CALB2: variants seen among roughly 807,000 people sequenced by gnomAD.
CALB2 encodes the protein calretinin.
In CALB2, 34 loss-of-function variants were observed where a neutral mutation model predicts 45.9. The ratio of observed to expected loss-of-function variants is 0.74; its 90% CI spans 0.56 to 0.99. The LOEUF (loss-of-function observed/expected upper bound fraction) is 0.99, where lower values mean the gene tolerates loss of function less well. Among genes scored for constraint, CALB2 ranks in the 50% least tolerant of loss-of-function variants. The probability of loss-of-function intolerance (pLI) is 0.00; values close to 1 mark genes in which losing one functional copy is unlikely to be tolerated. For missense variants in CALB2, 344 were observed against 339.3 expected, an observed-to-expected ratio of 1.01 and a Z score of -0.11; for synonymous variants, 142 against 129.6, an observed-to-expected ratio of 1.10 and a Z score of -0.65.
intron 4 of CALB2, among the ~76,000 whole-genome samples, chr16:71,382,236 C>G (rs1322639647): frequency 6.6e-6 from 1 of 152,060 alleles, no homozygotes; most frequent in Non-Finnish European, 1.5e-5. Flanking sequence ...AAAGATATAG[C>G]GGAACATGGT....
chr16:71,369,736 G>C (rs1195802935), intron 1 of CALB2, among the ~76,000 whole-genome samples: 1 of 151,360 alleles, frequency 6.6e-6, no homozygotes, highest in Non-Finnish European at 1.5e-5. Context: ...ACCCAGGGCT[G>C]AGCTCAGCTT....
intron 4 of CALB2, 49 bp from the exon 5 acceptor site, chr16:71,382,670 T>A (rs376259009): frequency 1.9e-4 from 309 of 1,586,474 alleles, no homozygotes; most frequent in Non-Finnish European, 2.5e-4. Flanking sequence ...GGGAGGTGGG[T>A]AGATTTTGAT....
intron 3 of CALB2, among the ~76,000 whole-genome samples, chr16:71,376,714 TACA>T (rs146037383): frequency 0.028 from 4,321 of 151,688 alleles, 107 homozygotes; most frequent in Non-Finnish European, 0.043. Flanking sequence ...TGCACCCACA[TACA>T]ACCACATACA....
intron 2 of CALB2, among the ~76,000 whole-genome samples, chr16:71,372,644 T>C (rs2042366169): frequency 1.3e-5 from 2 of 152,158 alleles, no homozygotes; most frequent in African/African-American, 2.4e-5. Context: ...CTCAGCGCTG[T>C]TGGCATTTGA....
chr16:71,382,024 AG>A (rs1598172875), intron 4 of CALB2, among the ~76,000 whole-genome samples: 1 of 105,574 alleles, frequency 9.5e-6, no homozygotes, highest in African/African-American at 3.7e-5. Flanking sequence ...AAAGAGGAGG[AG>A]GAGGAGGAGG....
chr16:71,368,056 C>T (rs1439376302), intron 1 of CALB2, among the ~76,000 whole-genome samples: 2 of 152,186 alleles, frequency 1.3e-5, no homozygotes, highest in Non-Finnish European at 2.9e-5. Context: ...CTCTATGACA[C>T]CATCATTCTT....
intron 4 of CALB2, among the ~76,000 whole-genome samples, chr16:71,379,321 A>G (rs190378240): frequency 3.3e-5 from 5 of 151,926 alleles, no homozygotes; most frequent in Non-Finnish European, 7.4e-5. Context: ...AAATAAAATT[A>G]GCATTCCCCT....
chr16:71,375,740 G>C (rs899936716), intron 3 of CALB2, among the ~76,000 whole-genome samples: 1 of 152,244 alleles, frequency 6.6e-6, no homozygotes, highest in African/African-American at 2.4e-5. Flanking sequence ...CAAGGATGCG[G>C]TCTCAACTGG....
chr16:71,368,664 G>C (rs1016618858), intron 1 of CALB2, among the ~76,000 whole-genome samples: 2 of 152,142 alleles, frequency 1.3e-5, no homozygotes, highest in Non-Finnish European at 2.9e-5. Flanking sequence ...AGTGTCTTCT[G>C]TCACCAGAAA....
At chr16:71,389,636 T>C in intron 10 of CALB2, 113 bp from the exon 11 acceptor site, 1 of 803,086 alleles carries the variant, frequency 1.2e-6, no homozygotes, top group Non-Finnish European at 2.2e-6. Flanking sequence ...CCACTTATCC[T>C]GGGATGAGAT....
intron 1 of CALB2, among the ~76,000 whole-genome samples, chr16:71,359,769 CTCTGTT>C (rs896491932): frequency 1.1e-4 from 16 of 152,326 alleles, no homozygotes; most frequent in Admixed American, 9.8e-4. Context: ...TCACTAGAGA[CTCTGTT>C]TCTGTTACTC....
Position 71,385,561 on chromosome 16 carries a change from C to G in CALB2, c.628-16C>G, listed in dbSNP as rs2145003216. 6.2e-7 allele frequency: 1 copy of G among 1,613,710 alleles called. No homozygotes were observed. The highest frequency in any genetic ancestry group is 2.2e-5 in the East Asian group (1 of 44,874). On this transcript the variant is annotated splice_polypyrimidine_tract_variant and intron_variant, in intron 9 of 10. Coordinates refer to ENST00000302628, the MANE Select transcript of CALB2 (RefSeq NM_001740.5). ...CAGGCTTTAGAGCTCTGGGTTGACT[C>G]TGCTCCCATCCCCAGGATAGAAGCG...
At chr16:71,371,948 T>C (rs2042356114) in intron 1 of CALB2, among the ~76,000 whole-genome samples, 1 of 152,190 alleles carries the variant, frequency 6.6e-6, no homozygotes, top group Non-Finnish European at 1.5e-5. Flanking sequence ...CAGTATTTTC[T>C]AGCTGCTGAA....
At chr16:71,384,509 CCACACACACAACACACACAGATCA>C in intron 8 of CALB2, 131 bp downstream of exon 8, 1 of 776,962 alleles carries the variant, frequency 1.3e-6, no homozygotes, top group Non-Finnish European at 2.3e-6. Flanking sequence ...ACAAAACACA[CCACACACACAACACACACAGATCA>C]CACACACAAA....
At chr16:71,381,222 T>C (rs115295659) in intron 4 of CALB2, among the ~76,000 whole-genome samples, 1 of 152,330 alleles carries the variant, frequency 6.6e-6, no homozygotes, top group African/African-American at 2.4e-5. Flanking sequence ...GAAGTCATAT[T>C]TGGAAATCCT....
At chr16:71,380,676 C>T (rs62055052) in intron 4 of CALB2, among the ~76,000 whole-genome samples, 6 of 151,984 alleles carry the variant, frequency 3.9e-5, no homozygotes, top group East Asian at 3.9e-4. Context: ...GAGACATGCC[C>T]GCCACGGTTT....
chr16:71,384,232 G>A (rs1414575022), intron 7 of CALB2, 107 bp from the exon 8 acceptor site: 5 of 1,066,734 alleles, frequency 4.7e-6, no homozygotes, highest in Non-Finnish European at 7.3e-6. Context: ...TGTGTGAAGT[G>A]CTCAGAAATC....
chr16:71,374,380 A>G (rs943205053), intron 2 of CALB2, among the ~76,000 whole-genome samples: 6 of 152,226 alleles, frequency 3.9e-5, no homozygotes, highest in Non-Finnish European at 5.9e-5. Context: ...TTTGATTACA[A>G]CCTGCTTCAG....
intron 2 of CALB2, among the ~76,000 whole-genome samples, chr16:71,372,493 G>A (rs1230405262): frequency 1.3e-5 from 2 of 152,164 alleles, no homozygotes; most frequent in Non-Finnish European, 2.9e-5. Context: ...GTCTGCGTAT[G>A]CGTATATTAA....
Sources: allele counts gnomAD v4.1 joint callset (sites outside exome capture counted in the v4.1 genomes callset), GRCh38; gene constraint gnomAD v4.1.1; transcripts MANE v1.5; gene names NCBI Gene and HGNC (gene_info 2026-07-23, HGNC 2026-07-21).